MICU2: variants seen among roughly 807,000 people sequenced by gnomAD.
MICU2 encodes the protein mitochondrial calcium uptake 2, also known as calcium uptake protein 2, mitochondrial.
A neutral mutation model predicts 60.4 loss-of-function variants in MICU2; 64 were observed. The ratio of observed to expected loss-of-function variants is 1.06; its 90% CI spans 0.87 to 1.31. The LOEUF (loss-of-function observed/expected upper bound fraction) is 1.31, where lower values mean the gene tolerates loss of function less well. Among genes scored for constraint, MICU2 ranks in the 50% most tolerant of loss-of-function variants. The pLI is 0.00. For synonymous variants in MICU2, 201 were observed against 175.0 expected, an observed-to-expected ratio of 1.15 and a Z score of -1.17; for missense variants, 569 against 531.0, an observed-to-expected ratio of 1.07 and a Z score of -0.70.
At chr13:21,595,376 A>C (rs1888670617) in intron 1 of MICU2, among the ~76,000 whole-genome samples, 2 of 152,234 alleles carry the variant, frequency 1.3e-5, no homozygotes, top group Admixed American at 1.3e-4. Flanking sequence ...TGTTATTCAG[A>C]ACTGGAGCCC....
At chr13:21,525,866 C>T (rs1886841004) in intron 4 of MICU2, among the ~76,000 whole-genome samples, 2 of 151,524 alleles carry the variant, frequency 1.3e-5, no homozygotes, top group Admixed American at 6.6e-5. Flanking sequence ...TCTTCACTCT[C>T]TTGACAGTGT....
chr13:21,509,896 C>G (rs1886384590), intron 8 of MICU2, 108 bp downstream of exon 8: 1 of 576,868 alleles, frequency 1.7e-6, no homozygotes, highest in Non-Finnish European at 2.9e-6. Flanking sequence ...AATCCACAAA[C>G]AGTATTTTAG....
intron 2 of MICU2, among the ~76,000 whole-genome samples, chr13:21,550,621 A>C (rs1887534514): frequency 6.6e-6 from 1 of 152,194 alleles, no homozygotes; most frequent in African/African-American, 2.4e-5. Context: ...AAACGTTTAA[A>C]AGCTAGATAT....
At position 21,539,308 on chromosome 13, in the gene MICU2, C is replaced by T. The variant is rs140786216; in HGVS notation, c.460G>A (p.Asp154Asn). The T allele has an allele frequency of 3.2e-5, 52 of 1,613,358 alleles. No individual in the cohort carries two copies. Among genetic ancestry groups the T allele is most frequent in the East Asian group, 8.9e-5 (4 of 44,880 alleles). The part of the protein sequence containing the change: ...CGSTFFRDLG[D>N]KGLISYTEYL... The stretch of plus-strand genomic sequence containing the variant: ...AACAACAAACCAAAATTACCTTTAT[C>T]GCCAAGGTCTCTGAAAAAAGTTGAT... Residue 154 changes from aspartate (D) to asparagine (N), a missense_variant, in exon 4 of 12, where the codon GAT becomes AAT. Transcript: ENST00000382374.
chr13:21,547,871 A>G (rs548786567), intron 2 of MICU2, among the ~76,000 whole-genome samples: 1 of 152,248 alleles, frequency 6.6e-6, no homozygotes, highest in African/African-American at 2.4e-5. Flanking sequence ...GAGATGTTCA[A>G]GAAACAAGGA....
At chr13:21,511,581 C>T (rs931598997) in intron 7 of MICU2, among the ~76,000 whole-genome samples, 2 of 152,210 alleles carry the variant, frequency 1.3e-5, no homozygotes, top group Admixed American at 1.3e-4. Flanking sequence ...CCAATGGTAG[C>T]ATCTTGCAAA....
At chr13:21,575,729 CAAAAAAAAAAAA>C (rs10557584) in intron 1 of MICU2, among the ~76,000 whole-genome samples, 2 of 48,058 alleles carry the variant, frequency 4.2e-5, no homozygotes, top group Non-Finnish European at 7.1e-5. Flanking sequence ...GACTCTGTCT[CAAAAAAAAAAAA>C]AAAAAAAAAA....
chr13:21,515,607 C>T (rs1386479822), intron 6 of MICU2: 2 of 422,740 alleles, frequency 4.7e-6, no homozygotes, highest in African/African-American at 4.1e-5. Context: ...TTAAAAGAAT[C>T]AGATGTAGAC....
At chr13:21,500,612 T>G (rs897007239) in intron 9 of MICU2, among the ~76,000 whole-genome samples, 37 of 151,672 alleles carry the variant, frequency 2.4e-4, no homozygotes, top group African/African-American at 8.2e-4. Context: ...AGAGATGGGG[T>G]TTCACCATGT....
intron 2 of MICU2, 26 bp downstream of exon 2, chr13:21,566,770 AT>A: frequency 6.6e-7 from 1 of 1,506,004 alleles, no homozygotes. Context: ...GATTTTTTTA[AT>A]TAAAAAAAAA....
At position 21,544,705 on chromosome 13, in the gene MICU2, T is replaced by G. The variant is rs889291766; in HGVS notation, c.359-5017A>C. 2.6e-5 allele frequency among the ~76,000 whole-genome samples: 4 copies of G among 152,050 alleles called. No homozygotes were observed. In the East Asian group the frequency reaches 7.7e-4, roughly 29 times the overall value. On this transcript the variant is annotated intron_variant, in intron 2 of 11. Coordinates refer to ENST00000382374, the MANE Select transcript of MICU2 (RefSeq NM_152726.3). ...TCTTGCTCTGTTGCCCAGGCTAGAG[T>G]GCAGTGGCATGGTCATAGCTCACTG...
rs1456515945 is a variant in MICU2 at position 21,497,214 on chromosome 13, A to T, written c.934-1054T>A. Among the ~76,000 whole-genome samples, 5 of 151,282 alleles carry T rather than the reference A, an allele frequency of 3.3e-5. 1 individual carries two copies. Among genetic ancestry groups the T allele is most frequent in the Admixed American group, 3.3e-4 (5 of 15,192 alleles). Reference sequence around the variant, plus strand: ...ATGGTGAAAAAGAAAAAAAAAAAAAAATTAGCTGGGTGTGGTGGTGCACAC... The same window carrying T: ...ATGGTGAAAAAGAAAAAAAAAAAAATATTAGCTGGGTGTGGTGGTGCACAC... On this transcript the variant is annotated intron_variant, in intron 9 of 11. Coordinates refer to ENST00000382374, the MANE Select transcript of MICU2 (RefSeq NM_152726.3).
chr13:21,514,679 C>G (rs1013334914), intron 6 of MICU2, among the ~76,000 whole-genome samples: 1 of 150,944 alleles, frequency 6.6e-6, no homozygotes, highest in Non-Finnish European at 1.5e-5. Context: ...ACTACAGGCG[C>G]CCGCCACCAC....
intron 1 of MICU2, among the ~76,000 whole-genome samples, chr13:21,600,672 A>G (rs1888792993): frequency 6.6e-6 from 1 of 152,210 alleles, no homozygotes; most frequent in African/African-American, 2.4e-5. Context: ...ACTGACCCTC[A>G]CAAATGCAAG....
intron 2 of MICU2, among the ~76,000 whole-genome samples, chr13:21,545,120 G>C (rs889407368): frequency 1.2e-4 from 18 of 152,100 alleles, no homozygotes; most frequent in African/African-American, 4.3e-4. Flanking sequence ...CATCAAAGAG[G>C]CATCTGCATC....
intron 4 of MICU2, among the ~76,000 whole-genome samples, chr13:21,525,094 TA>T (rs1455982721): frequency 1.3e-5 from 2 of 151,854 alleles, no homozygotes; most frequent in African/African-American, 4.8e-5. Context: ...GGTGTACAAA[TA>T]TTTATCTAAG....
chr13:21,602,552 C>CA (rs889103057), intron 1 of MICU2, among the ~76,000 whole-genome samples: 33 of 151,724 alleles, frequency 2.2e-4, no homozygotes, highest in African/African-American at 7.5e-4. Context: ...AAAAAACAAA[C>CA]AAAAAAACCA....
At chr13:21,531,100 G>C in intron 4 of MICU2, 1 of 968,130 alleles carries the variant, frequency 1.0e-6, no homozygotes, top group Non-Finnish European at 1.7e-6. Context: ...TTACAACCAA[G>C]GCATAGTTCC....
intron 7 of MICU2, among the ~76,000 whole-genome samples, chr13:21,510,759 AC>A (rs1314762358): frequency 3.3e-5 from 5 of 152,036 alleles, no homozygotes; most frequent in African/African-American, 4.8e-5. Context: ...TCCTACCACC[AC>A]CCCGACCCCG....
Sources: allele counts gnomAD v4.1 joint callset (sites outside exome capture counted in the v4.1 genomes callset), GRCh38; gene constraint gnomAD v4.1.1; transcripts MANE v1.5; gene names NCBI Gene and HGNC (gene_info 2026-07-23, HGNC 2026-07-21).